The following IL1RAPL1 variants were observed in gnomAD, a reference collection of about 807,000 sequenced individuals.
IL1RAPL1 encodes interleukin 1 receptor accessory protein like 1.
IL1RAPL1 carries 3 observed loss-of-function variants against 48.4 expected under a neutral mutation model. The ratio of observed to expected loss-of-function variants is 0.06; its 90% CI spans 0.03 to 0.16. The LOEUF (loss-of-function observed/expected upper bound fraction) is 0.16, where lower values mean the gene tolerates loss of function less well. Among genes scored for constraint, IL1RAPL1 ranks in the 10% least tolerant of loss-of-function variants. The probability of loss-of-function intolerance (pLI) is 1.00; values close to 1 mark genes in which losing one functional copy is unlikely to be tolerated. For synonymous variants in IL1RAPL1, 185 were observed against 187.7 expected, an observed-to-expected ratio of 0.99 and a Z score of 0.12; for missense variants, 349 against 530.6, an observed-to-expected ratio of 0.66 and a Z score of 3.36.
chrX:29,807,692 A>G (rs1930289476), intron 6 of IL1RAPL1, among the ~76,000 whole-genome samples: 1 of 107,950 alleles, frequency 9.3e-6, no homozygotes, highest in South Asian at 4.1e-4. Flanking sequence ...ATTTTGATGC[A>G]TTAAATAGAA....
chrX:29,932,694 A>G (rs1291704205), intron 8 of IL1RAPL1, among the ~76,000 whole-genome samples: 1 of 111,945 alleles, frequency 8.9e-6, no homozygotes, highest in African/African-American at 3.2e-5. Context: ...TATAATTGTG[A>G]TACTTATAAT....
At chrX:29,879,923 GC>G (rs1364546081) in intron 6 of IL1RAPL1, among the ~76,000 whole-genome samples, 1 of 111,170 alleles carries the variant, frequency 9.0e-6, no homozygotes, top group Non-Finnish European at 1.9e-5. Flanking sequence ...GTGCCTAAGA[GC>G]CTCTCTTTGC....
Position 29,010,421 on chromosome X carries a change from A to G in IL1RAPL1, c.82+220996A>G, listed in dbSNP as rs143374861. On this transcript the variant is annotated intron_variant, in intron 2 of 10. Transcript: ENST00000378993. ...CATTATTTTGAAGTATGTTCCTTTG[A>G]TGCCTGGTTTCCGGAGGGTTTTTAT... Among the ~76,000 whole-genome samples the G allele has an allele frequency of 2.8e-3, 308 of 111,309 alleles. 1 individual carries two copies. Among genetic ancestry groups the G allele is most frequent in the Middle Eastern group, 9.3e-3 (2 of 216 alleles).
At chrX:28,588,800 A>G (rs1933876930) in intron 1 of IL1RAPL1, among the ~76,000 whole-genome samples, 1 of 112,428 alleles carries the variant, frequency 8.9e-6, no homozygotes, top group Non-Finnish European at 1.9e-5. Flanking sequence ...CAATTGCCCA[A>G]TAATATAATT....
At chrX:28,672,226 A>T (rs1387495790) in intron 1 of IL1RAPL1, among the ~76,000 whole-genome samples, 1 of 106,292 alleles carries the variant, frequency 9.4e-6, no homozygotes, top group Non-Finnish European at 1.9e-5. Flanking sequence ...AAAGAATGTT[A>T]AAAAAAAAAT....
intron 2 of IL1RAPL1, among the ~76,000 whole-genome samples, chrX:29,264,108 G>A (rs1931911376): frequency 9.0e-6 from 1 of 110,669 alleles, no homozygotes; most frequent in Admixed American, 9.7e-5. Context: ...TAAGGCAGTG[G>A]ATAAAATTTC....
At chrX:29,364,580 A>G (rs963753730) in intron 3 of IL1RAPL1, among the ~76,000 whole-genome samples, 90 of 108,930 alleles carry the variant, frequency 8.3e-4, no homozygotes, top group African/African-American at 2.3e-3. Context: ...AAAAAAAAAA[A>G]AAAGAAAAAA....
chrX:29,520,444 T>C (rs1935491426), intron 5 of IL1RAPL1, among the ~76,000 whole-genome samples: 1 of 112,454 alleles, frequency 8.9e-6, no homozygotes, highest in African/African-American at 3.2e-5. Flanking sequence ...CATTCTGTTT[T>C]CTTCCTTTAT....
intron 2 of IL1RAPL1, among the ~76,000 whole-genome samples, chrX:29,061,293 G>T (rs1453333531): frequency 1.8e-5 from 2 of 111,835 alleles, no homozygotes; most frequent in African/African-American, 6.5e-5. Flanking sequence ...CATAACACCT[G>T]TCTGATGAGC....
chrX:29,366,818 C>T lies in IL1RAPL1; in HGVS notation c.363-29440C>T, dbSNP rs192908064. Among the ~76,000 whole-genome samples, 94 of 110,524 alleles carry T rather than the reference C, an allele frequency of 8.5e-4. No homozygotes were observed. The East Asian group carries it at 0.021, about 25-fold the overall frequency. The stretch of plus-strand genomic sequence containing the variant: ...TCCTGGCCTCGTGATCCGCCCGCCT[C>T]GGCCTCCCAAAGTGCTGGGATTGCA... On this transcript the variant is annotated intron_variant, in intron 3 of 10. Coordinates refer to ENST00000378993, the MANE Select transcript of IL1RAPL1 (RefSeq NM_014271.4).
chrX:29,842,587 C>T (rs903574956), intron 6 of IL1RAPL1, among the ~76,000 whole-genome samples: 13 of 112,169 alleles, frequency 1.2e-4, no homozygotes, highest in Middle Eastern at 4.6e-3. Context: ...TGTGTTAATT[C>T]GAAACATTTG....
Position 29,202,476 on chromosome X carries a change from A to T in IL1RAPL1, c.83-80462A>T, listed in dbSNP as rs181927647. ...CTGTTTCTCAAAGAACTCAAAGCAG[A>T]ATTATCATTTACCTAGCAGTCCCAT... On this transcript the variant is annotated intron_variant, in intron 2 of 10. Transcript: ENST00000378993. Among the ~76,000 whole-genome samples the T allele has an allele frequency of 2.7e-5, 3 of 112,327 alleles. No homozygotes were observed. In the East Asian group the frequency reaches 8.4e-4, roughly 31 times the overall value.
rs1039763573 is a variant in IL1RAPL1 at position 29,757,267 on chromosome X, G to A, written c.778+88763G>A. On this transcript the variant is annotated intron_variant, in intron 6 of 10. Transcript: ENST00000378993. ...ATAGCTCATAAAATTATAATCTCTT[G>A]AAGTTGAAGCTTCAGGTTCATTTTG... Among the ~76,000 whole-genome samples the A allele has an allele frequency of 2.7e-5, 3 of 112,121 alleles. No homozygotes were observed. In the Admixed American group the frequency reaches 2.8e-4, roughly 11 times the overall value.
chrX:29,916,986 T>C (rs1479057331), intron 6 of IL1RAPL1, among the ~76,000 whole-genome samples: 2 of 112,499 alleles, frequency 1.8e-5, no homozygotes, highest in Non-Finnish European at 3.8e-5. Flanking sequence ...TCTCTTAGGA[T>C]CTTGCGTTTA....
At chrX:29,131,049 C>T (rs1025394818) in intron 2 of IL1RAPL1, among the ~76,000 whole-genome samples, 3 of 111,586 alleles carry the variant, frequency 2.7e-5, no homozygotes, top group Admixed American at 9.6e-5. Context: ...AGAAGAAAAC[C>T]GTGTTTTACA....
chrX:29,225,505 A>T (rs1422922353), intron 2 of IL1RAPL1, among the ~76,000 whole-genome samples: 2 of 112,337 alleles, frequency 1.8e-5, no homozygotes, highest in African/African-American at 6.5e-5. Flanking sequence ...TAAAAGAAAA[A>T]TTGAACAGAT....
intron 6 of IL1RAPL1, among the ~76,000 whole-genome samples, chrX:29,892,650 T>C (rs1230591319): frequency 8.9e-6 from 1 of 112,307 alleles, no homozygotes; most frequent in Non-Finnish European, 1.9e-5. Flanking sequence ...GGATCAAGTC[T>C]AAATTCCAAA....
At chrX:28,923,138 A>G (rs1345333586) in intron 2 of IL1RAPL1, among the ~76,000 whole-genome samples, 1 of 111,943 alleles carries the variant, frequency 8.9e-6, no homozygotes, top group Non-Finnish European at 1.9e-5. Context: ...GTCAAAGCTC[A>G]TGGAATGGTA....
intron 5 of IL1RAPL1, among the ~76,000 whole-genome samples, chrX:29,569,126 C>T (rs765868174): frequency 1.8e-4 from 20 of 111,313 alleles, no homozygotes; most frequent in African/African-American, 6.2e-4. Flanking sequence ...TCTAGCACCA[C>T]TGAACTAGAA....
Sources: allele counts gnomAD v4.1 joint callset (sites outside exome capture counted in the v4.1 genomes callset), GRCh38; gene constraint gnomAD v4.1.1; transcripts MANE v1.5; gene names NCBI Gene and HGNC (gene_info 2026-07-23, HGNC 2026-07-21).